Variants in RDX observed in about 807,000 individuals in gnomAD.
RDX encodes the protein radixin.
Under a neutral mutation model 83.7 loss-of-function variants are expected in RDX, and 32 were observed. That is an observed-to-expected ratio of 0.38 (90% confidence interval 0.29 to 0.51). The LOEUF (loss-of-function observed/expected upper bound fraction) is 0.51, where lower values mean the gene tolerates loss of function less well. Ranked by LOEUF, RDX falls within the 20% of genes least tolerant of loss-of-function variation. RDX has a pLI of 0.87. For missense variants in RDX, 600 were observed against 689.9 expected, an observed-to-expected ratio of 0.87 and a Z score of 1.46; for synonymous variants, 229 against 222.7, an observed-to-expected ratio of 1.03 and a Z score of -0.25.
intron 10 of RDX, among the ~76,000 whole-genome samples, chr11:110,240,693 C>A (rs1300709185): frequency 7.1e-6 from 1 of 140,262 alleles, no homozygotes; most frequent in East Asian, 2.2e-4. Context: ...TGCAGTGAGC[C>A]GAGATGGCGC....
intron 8 of RDX, among the ~76,000 whole-genome samples, chr11:110,254,523 TG>T (rs1338742217): frequency 6.6e-6 from 1 of 151,910 alleles, no homozygotes; most frequent in Non-Finnish European, 1.5e-5. Context: ...TCATCCAGGC[TG>T]GAGTGCAGTG....
chr11:110,221,271 C>T (rs942077041), intron 14 of RDX, among the ~76,000 whole-genome samples: 4 of 152,122 alleles, frequency 2.6e-5, no homozygotes, highest in African/African-American at 4.8e-5. Flanking sequence ...TGTACCCCCC[C>T]CAAAATACTT....
chr11:110,294,483 T>G (rs780969126), intron 1 of RDX, among the ~76,000 whole-genome samples: 6 of 152,144 alleles, frequency 3.9e-5, no homozygotes, highest in Non-Finnish European at 7.4e-5. Context: ...TAAAGTGACC[T>G]TGATGGACAG....
At position 110,257,910 on chromosome 11, in the gene RDX, C is replaced by T. The variant is rs760956967; in HGVS notation, c.555G>A (p.Glu185=). 2.5e-6 allele frequency: 4 copies of T among 1,611,452 alleles called. No individual in the cohort carries two copies. Among genetic ancestry groups the T allele is most frequent in the South Asian group, 2.2e-5 (2 of 90,920 alleles). ...WHEEHRGMLR[E]DSMMEYLKIA... ...TCTTCAGGTATTCCATCATAGAATCCTCCCTGTTGAAATAAAACTAAATGT... is the reference window on the plus strand; with the variant it reads ...TCTTCAGGTATTCCATCATAGAATCTTCCCTGTTGAAATAAAACTAAATGT... Residue 185 remains glutamate (E), a synonymous_variant, in exon 7 of 14, where the codon GAG becomes GAA. Coordinates refer to ENST00000645495, the MANE Select transcript of RDX (RefSeq NM_002906.4).
At position 110,229,806 on chromosome 11, in the gene RDX, G is replaced by A. The variant is rs1170887065; in HGVS notation, c.*2063C>T. 2 of 152,436 alleles carry A rather than the reference G, an allele frequency of 1.3e-5. No homozygotes were observed. The highest frequency in any genetic ancestry group is 4.8e-5 in the African/African-American group (2 of 41,422). The allele number at this position is 152,436 out of a possible 1,614,324, so 9.4% of individuals were successfully genotyped here. A position where few individuals can be genotyped will look rare whatever the true frequency, so the allele number is the denominator to read the frequency against. On this transcript the variant is annotated 3_prime_UTR_variant, in exon 14 of 14. Transcript: ENST00000645495. ...GTATCAAACTGATGTAGCTATGGTA[G>A]TGCACATAATTCAAAATGAGGAAAA... is the stretch of plus-strand genomic sequence containing the variant.
intron 3 of RDX, 127 bp from the exon 4 acceptor site, chr11:110,265,001 G>T (rs1192976106): frequency 5.3e-6 from 3 of 569,378 alleles, no homozygotes; most frequent in Non-Finnish European, 9.1e-6. Flanking sequence ...CCATAGAAAA[G>T]GCTTTCCCTA....
chr11:110,198,265 T>A (rs1483754229), intron 15 of RDX, among the ~76,000 whole-genome samples: 5 of 147,924 alleles, frequency 3.4e-5, no homozygotes, highest in Admixed American at 6.8e-5. Context: ...ACAAATGGGA[T>A]GAGTCAAATA....
At chr11:110,212,616 A>G (rs904350035) in intron 14 of RDX, among the ~76,000 whole-genome samples, 1 of 74,136 alleles carries the variant, frequency 1.3e-5, no homozygotes, top group African/African-American at 5.6e-5. Flanking sequence ...ATCCAGCAGC[A>G]CATCAAAAAG....
intron 11 of RDX, chr11:110,236,592 C>T (rs1864859950): frequency 5.6e-6 from 1 of 178,674 alleles, no homozygotes; most frequent in Non-Finnish European, 1.2e-5. Flanking sequence ...ATAATCCTAA[C>T]AGGTAGTATC....
chr11:110,185,127 G>A (rs1213082602), intron 15 of RDX: 2 of 152,162 alleles, frequency 1.3e-5, no homozygotes, highest in African/African-American at 4.8e-5. Context: ...TTTATCCAAG[G>A]AGAACTGAGC....
At chr11:110,241,056 CAA>C (rs34548283) in intron 10 of RDX, among the ~76,000 whole-genome samples, 11 of 42,988 alleles carry the variant, frequency 2.6e-4, no homozygotes, top group African/African-American at 3.9e-4. Flanking sequence ...ACTCTGTCTC[CAA>C]AAAAAAAAAA....
intron 9 of RDX, among the ~76,000 whole-genome samples, chr11:110,253,609 T>C (rs1180593253): frequency 1.3e-5 from 2 of 152,128 alleles, no homozygotes; most frequent in African/African-American, 4.8e-5. Flanking sequence ...AGTTAAATAT[T>C]CAGCACATTC....
chr11:110,252,202 T>C (rs1445170905), intron 9 of RDX, among the ~76,000 whole-genome samples: 1 of 152,198 alleles, frequency 6.6e-6, no homozygotes. Context: ...TGCTTACTAA[T>C]GAAGAGCTCT....
chr11:110,290,554 G>A (rs915646855), intron 1 of RDX, among the ~76,000 whole-genome samples: 1 of 151,676 alleles, frequency 6.6e-6, no homozygotes, highest in African/African-American at 2.4e-5. Flanking sequence ...ATACAATATG[G>A]CACATCTATC....
At chr11:110,293,230 T>C (rs982871837) in intron 1 of RDX, among the ~76,000 whole-genome samples, 4 of 152,210 alleles carry the variant, frequency 2.6e-5, no homozygotes, top group Admixed American at 2.0e-4. Context: ...CTACTGGCAT[T>C]TTCTATAAAC....
intron 15 of RDX, chr11:110,199,578 T>A: frequency 1.4e-6 from 1 of 703,022 alleles, no homozygotes. Flanking sequence ...CAGTTGTACT[T>A]ACCTAGTGAG....
chr11:110,204,224 C>T (rs1456460920), intron 14 of RDX, among the ~76,000 whole-genome samples: 1 of 148,490 alleles, frequency 6.7e-6, no homozygotes. Flanking sequence ...TTATTAGAAA[C>T]GGTGAGAATG....
chr11:110,240,782 G>A (rs1275226351), intron 10 of RDX, among the ~76,000 whole-genome samples: 4 of 148,814 alleles, frequency 2.7e-5, no homozygotes, highest in Non-Finnish European at 4.5e-5. Context: ...GGCCAGGCAC[G>A]GTGGTTCATG....
intron 14 of RDX, among the ~76,000 whole-genome samples, chr11:110,203,435 A>G (rs1012598630): frequency 2.0e-5 from 3 of 151,048 alleles, no homozygotes; most frequent in African/African-American, 4.9e-5. Flanking sequence ...AAAAAAAAGT[A>G]GAAAGAATGA....
Sources: allele counts gnomAD v4.1 joint callset (sites outside exome capture counted in the v4.1 genomes callset), GRCh38; gene constraint gnomAD v4.1.1; transcripts MANE v1.5; gene names NCBI Gene and HGNC (gene_info 2026-07-23, HGNC 2026-07-21).